Variants in RASA3 observed in about 807,000 individuals in gnomAD.
RASA3 encodes RAS p21 protein activator 3.
A neutral mutation model predicts 110.0 loss-of-function variants in RASA3; 73 were observed. The ratio of observed to expected loss-of-function variants is 0.66; its 90% CI spans 0.55 to 0.81. RASA3 has a LOEUF of 0.81. Among genes scored for constraint, RASA3 ranks in the 30% least tolerant of loss-of-function variants. RASA3 has a pLI of 0.00. For missense variants in RASA3, 976 were observed against 1,113.2 expected (o/e 0.88, Z 1.75); for synonymous variants, 500 against 451.4 (o/e 1.11, Z -1.37).
chr13:114,034,447 CTG>C, intron 4 of RASA3, among the ~76,000 whole-genome samples: 1 of 152,330 alleles, frequency 6.6e-6, no homozygotes, highest in Middle Eastern at 3.4e-3. Flanking sequence ...TGGCAGCAGG[CTG>C]TGCGGCCCCC....
intron 18 of RASA3, among the ~76,000 whole-genome samples, chr13:114,001,217 C>T (rs1020919718): frequency 6.6e-6 from 1 of 152,228 alleles, no homozygotes; most frequent in Admixed American, 6.5e-5. Flanking sequence ...AGTGGTGCTG[C>T]CACTGGAAAT....
At chr13:114,047,484 C>G (rs538478059) in intron 3 of RASA3, among the ~76,000 whole-genome samples, 1 of 152,240 alleles carries the variant, frequency 6.6e-6, no homozygotes, top group African/African-American at 2.4e-5. Context: ...CTTGGAGACA[C>G]GGTTGGGTAG....
chr13:114,087,613 A>G (rs901598270), intron 1 of RASA3, among the ~76,000 whole-genome samples: 10 of 152,220 alleles, frequency 6.6e-5, no homozygotes, highest in Admixed American at 2.0e-4. Context: ...GGGCAGTGCC[A>G]GCAGGAACGA....
At chr13:114,015,357 C>A in intron 13 of RASA3, 25 bp from the exon 14 acceptor site, 1 of 1,610,892 alleles carries the variant, frequency 6.2e-7, no homozygotes. Flanking sequence ...GGCACTGGGA[C>A]CCACTCCCGA....
chr13:114,040,590 G>A (rs11840937), intron 4 of RASA3, among the ~76,000 whole-genome samples: 932 of 59,752 alleles, frequency 0.016, 79 homozygotes, highest in African/African-American at 0.045. Context: ...AATCCATGGC[G>A]GAGCCCGCGC....
rs11552971 is a variant in RASA3, at chr13:113,978,973, C to A, written c.*374G>T. ...GCAAGACAGACGTGCACGAGACTGA[C>A]GCACACACGGCCGGAGGTGCATGTC... On this transcript the variant is annotated 3_prime_UTR_variant, in exon 24 of 24. Transcript: ENST00000334062. 1,465 of 292,710 alleles carry A rather than the reference C, an allele frequency of 5.0e-3. 25 individuals are homozygous for A. The highest frequency in any genetic ancestry group is 0.029 in the African/African-American group (1,354 of 46,414). 18.1% of individuals were successfully genotyped at this position (292,710 alleles called of 1,614,324 possible). A position where few individuals can be genotyped will look rare whatever the true frequency, so the allele number is the denominator to read the frequency against.
intron 14 of RASA3, among the ~76,000 whole-genome samples, chr13:114,013,971 C>T (rs1360685128): frequency 1.7e-5 from 2 of 114,840 alleles, no homozygotes; most frequent in African/African-American, 3.6e-5. Context: ...TCTCTCTCTC[C>T]GTCTCGATCT....
At chr13:114,050,580 G>A (rs2079128165) in intron 3 of RASA3, among the ~76,000 whole-genome samples, 1 of 152,252 alleles carries the variant, frequency 6.6e-6, no homozygotes, top group Non-Finnish European at 1.5e-5. Context: ...GTGAGGCCCT[G>A]CCCGGCCCCG....
In RASA3 at chr13:114,114,192, G is replaced by A. The variant is rs1315068331; in HGVS notation, c.55+18243C>T. ...ACCACGGTGAGCGTCTGCGATGTCC[G>A]TGCAGGGGAGAGAGACCTGGCCTAT... is the stretch of plus-strand genomic sequence containing the variant. On this transcript the variant is annotated intron_variant, in intron 1 of 23. Transcript: ENST00000334062. This position sits in a 1 kb window ranked among gnomAD's most constrained non-coding sequence, Gnocchi z 4.8. 2.0e-5 allele frequency among the ~76,000 whole-genome samples: 3 copies of A among 152,216 alleles called. No homozygotes were observed. The highest frequency in any genetic ancestry group is 6.5e-5 in the Admixed American group (1 of 15,284).
chr13:114,045,466 G>A (rs1361664794), intron 3 of RASA3, among the ~76,000 whole-genome samples: 4 of 152,196 alleles, frequency 2.6e-5, no homozygotes, highest in Admixed American at 2.6e-4. Flanking sequence ...AGGGGAAACA[G>A]CCACAGGACA....
intron 2 of RASA3, among the ~76,000 whole-genome samples, chr13:114,060,991 G>A (rs1416278346): frequency 1.4e-5 from 2 of 146,362 alleles, no homozygotes; most frequent in African/African-American, 2.7e-5. Context: ...GCCGGCAGAC[G>A]GAGCCCCCCA....
At chr13:114,109,121 C>T (rs1383742379) in intron 1 of RASA3, among the ~76,000 whole-genome samples, 6 of 152,208 alleles carry the variant, frequency 3.9e-5, no homozygotes, top group East Asian at 1.9e-4. Context: ...AGAGGGCAGG[C>T]GGCAGGGTCC....
At chr13:114,035,428 C>A (rs2054261617) in intron 4 of RASA3, among the ~76,000 whole-genome samples, 1 of 152,198 alleles carries the variant, frequency 6.6e-6, no homozygotes. Flanking sequence ...ACCCATGGGG[C>A]CCTGGGCGGG....
intron 1 of RASA3, among the ~76,000 whole-genome samples, chr13:114,107,933 G>A (rs565816723): frequency 3.3e-5 from 5 of 152,144 alleles, no homozygotes; most frequent in African/African-American, 7.2e-5. Context: ...CACTCTCCAC[G>A]GCCGCCTCAG....
chr13:114,015,796 G>A (rs942437751), intron 13 of RASA3, among the ~76,000 whole-genome samples: 53 of 152,262 alleles, frequency 3.5e-4, no homozygotes, highest in African/African-American at 1.2e-3. Context: ...CCTGTCCTAG[G>A]AAAAGGGAGG....
chr13:114,075,369 T>A (rs2079651503), intron 1 of RASA3, among the ~76,000 whole-genome samples: 1 of 152,222 alleles, frequency 6.6e-6, no homozygotes, highest in Non-Finnish European at 1.5e-5. Flanking sequence ...AGTTTGAAGC[T>A]TTTTAAAGAC....
chr13:114,046,349 C>A (rs2079052969), intron 3 of RASA3, among the ~76,000 whole-genome samples: 1 of 152,160 alleles, frequency 6.6e-6, no homozygotes, highest in African/African-American at 2.4e-5. Flanking sequence ...GCGGCAGTGG[C>A]AGCTCTGAAA....
chr13:113,991,668 C>T (rs1255397095), intron 22 of RASA3, among the ~76,000 whole-genome samples: 1 of 152,172 alleles, frequency 6.6e-6, no homozygotes, highest in Non-Finnish European at 1.5e-5. Flanking sequence ...ATACATACTG[C>T]ATATAGATTT....
At chr13:114,062,952 A>C (rs1290452412) in intron 2 of RASA3, among the ~76,000 whole-genome samples, 1 of 152,202 alleles carries the variant, frequency 6.6e-6, no homozygotes, top group Non-Finnish European at 1.5e-5. Flanking sequence ...TGCCCAAGAG[A>C]GGCACAGCCG....
Sources: gnomAD v4.1 joint callset for allele counts (sites outside exome capture counted in the v4.1 genomes callset) on GRCh38, gnomAD v4.1.1 for gene constraint, Gnocchi (gnomAD v3.1) non-coding constraint, MANE v1.5 for transcripts, NCBI Gene and HGNC (gene_info 2026-07-23, HGNC 2026-07-21) for gene names.